ANO6: variants seen among roughly 807,000 people sequenced by gnomAD.
ANO6 encodes the protein anoctamin-6.
A neutral mutation model predicts 117.5 loss-of-function variants in ANO6; 106 were observed. The observed-to-expected ratio is 0.90, with a 90% CI of 0.77 to 1.06. The LOEUF is 1.06. Among genes scored for constraint, ANO6 ranks in the 50% least tolerant of loss-of-function variants. ANO6 has a pLI of 0.00. For synonymous variants in ANO6, 367 were observed against 385.1 expected, an observed-to-expected ratio of 0.95 and a Z score of 0.55; for missense variants, 955 against 1,121.1, an observed-to-expected ratio of 0.85 and a Z score of 2.12.
chr12:45,424,192 T>C (rs1330220475), intron 19 of ANO6, among the ~76,000 whole-genome samples: 1 of 152,044 alleles, frequency 6.6e-6, no homozygotes, highest in African/African-American at 2.4e-5. Flanking sequence ...TTGTGGTAGA[T>C]TATATGTTGT....
At chr12:45,403,017 A>G in intron 13 of ANO6, 55 bp from the exon 14 acceptor site, 2 of 1,500,332 alleles carry the variant, frequency 1.3e-6, no homozygotes, top group Non-Finnish European at 1.9e-6. Context: ...TTTTTATTAG[A>G]GTCTCAAAGC....
intron 11 of ANO6, among the ~76,000 whole-genome samples, chr12:45,389,069 G>A (rs183551496): frequency 4.2e-4 from 64 of 152,250 alleles, no homozygotes; most frequent in African/African-American, 1.4e-3. Context: ...TTCTGAATAC[G>A]AATAGCTCTT....
chr12:45,262,704 G>A (rs567606208), intron 1 of ANO6, among the ~76,000 whole-genome samples: 20 of 152,294 alleles, frequency 1.3e-4, no homozygotes, highest in African/African-American at 3.6e-4. Context: ...GATTACAGGC[G>A]TGAGCCACTG....
chr12:45,370,311 C>G (rs2137515420), intron 9 of ANO6, among the ~76,000 whole-genome samples: 1 of 152,354 alleles, frequency 6.6e-6, no homozygotes, highest in East Asian at 1.9e-4. Flanking sequence ...TCATCCAGGC[C>G]TAACTCCCTC....
At position 45,216,361 on chromosome 12, in the gene ANO6, G is replaced by A. The variant is rs757398603; in HGVS notation, c.40G>A (p.Glu14Lys). Residue 14 changes from glutamate to lysine, a missense_variant, in exon 1 of 20, where the codon GAG (glutamate) becomes AAG (lysine). Transcript: ENST00000320560. ...CAGGAATGTTTTGCTACAAATGGAG[G>A]AGGAGGAGGACGACGACGATGGGGA... Reference protein sequence around the residue: ...MSRNVLLQMEEEEDDDDGDIV... With the variant: ...MSRNVLLQMEKEEDDDDGDIV... 1.2e-5 allele frequency: 19 copies of A among 1,613,094 alleles called. No individual in the cohort carries two copies. Among genetic ancestry groups the A allele is most frequent in the Non-Finnish European group, 1.4e-5 (16 of 1,179,482 alleles).
At chr12:45,292,898 C>T (rs1248693414) in intron 1 of ANO6, 4 of 1,551,050 alleles carry the variant, frequency 2.6e-6, no homozygotes, top group African/African-American at 1.4e-5. Flanking sequence ...TTGTCCATTC[C>T]CCCTTTTGTT....
At chr12:45,394,279 A>C (rs780542565) in intron 12 of ANO6, among the ~76,000 whole-genome samples, 6 of 152,232 alleles carry the variant, frequency 3.9e-5, no homozygotes, top group Non-Finnish European at 7.3e-5. Flanking sequence ...AAAGGGATCA[A>C]TTCAACAAGA....
chr12:45,299,016 T>C (rs4768601), intron 1 of ANO6, among the ~76,000 whole-genome samples: 128,215 of 151,836 alleles, frequency 0.84, 55,243 homozygotes, highest in Non-Finnish European at 0.94. Flanking sequence ...CAGTATTATG[T>C]TTCCTTGTTT....
Position 45,416,866 on chromosome 12 carries a change from A to G in ANO6, c.2179A>G (p.Ile727Val), listed in dbSNP as rs867944033. 6.2e-7 allele frequency: 1 copy of G among 1,614,206 alleles called. No homozygotes were observed. Among genetic ancestry groups the G allele is most frequent in the Non-Finnish European group, 8.5e-7 (1 of 1,180,024 alleles). ...KAQDIGAWQPIMQGIAILAVV... is the reference protein window; with the variant it reads ...KAQDIGAWQPVMQGIAILAVV... ...CCAAGACATTGGAGCATGGCAGCCC[A>G]TCATGCAAGGAATAGCAATTCTGGC... The change falls in exon 17 of 20, where the codon ATC becomes GTC. Residue 727 changes from isoleucine to valine, a missense_variant. Physicochemically the swap from Ile to Val is conservative, Grantham distance 29. Transcript: ENST00000320560.
At chr12:45,275,453 A>G (rs1938525545) in intron 1 of ANO6, among the ~76,000 whole-genome samples, 2 of 151,910 alleles carry the variant, frequency 1.3e-5, no homozygotes, top group African/African-American at 4.8e-5. Flanking sequence ...CATGATCCAC[A>G]CGCCTCGACC....
intron 1 of ANO6, among the ~76,000 whole-genome samples, chr12:45,267,168 C>A (rs1036060198): frequency 6.6e-6 from 1 of 152,158 alleles, no homozygotes; most frequent in Middle Eastern, 3.2e-3. Flanking sequence ...CTTATTTTCT[C>A]ACAGTTCTGG....
chr12:45,373,960 C>T (rs546973959), intron 9 of ANO6, among the ~76,000 whole-genome samples: 1 of 152,212 alleles, frequency 6.6e-6, no homozygotes, highest in South Asian at 2.1e-4. Flanking sequence ...AGATAGACCA[C>T]TAGCAAGACT....
chr12:45,286,274 A>G (rs925923212), intron 1 of ANO6, among the ~76,000 whole-genome samples: 1 of 152,196 alleles, frequency 6.6e-6, no homozygotes, highest in Non-Finnish European at 1.5e-5. Flanking sequence ...AGCTGAGACT[A>G]TAGGTGACTG....
intron 1 of ANO6, among the ~76,000 whole-genome samples, chr12:45,264,240 C>T (rs1938141986): frequency 6.6e-6 from 1 of 152,194 alleles, no homozygotes; most frequent in African/African-American, 2.4e-5. Context: ...GTGCTCTGCT[C>T]TTTCCTTCTA....
At chr12:45,405,564 C>T (rs1042427959) in intron 15 of ANO6, among the ~76,000 whole-genome samples, 3 of 152,172 alleles carry the variant, frequency 2.0e-5, no homozygotes, top group African/African-American at 4.8e-5. Context: ...TGCTGCTTCT[C>T]TTTGTGTAGG....
chr12:45,331,320 C>T lies in ANO6; in HGVS notation c.176C>T (p.Ser59Phe). Residue 59 changes from serine (S) to phenylalanine (F), a missense_variant, in exon 3 of 20, where the codon TCC (serine) becomes TTC (phenylalanine). Physicochemically the swap from Ser to Phe is radical, Grantham distance 155 (BLOSUM62 -2). Coordinates refer to ENST00000320560, the MANE Select transcript of ANO6 (RefSeq NM_001025356.3). ...EFEEFNGKPD[S>F]LFFNDGQRRI... ...GAAGAATTTAATGGAAAACCTGACTCCCTCTTTTTTAATGATGGCCAGCGA... is the reference window on the plus strand; with the variant it reads ...GAAGAATTTAATGGAAAACCTGACTTCCTCTTTTTTAATGATGGCCAGCGA... 1.2e-6 allele frequency: 2 copies of T among 1,609,430 alleles called. No homozygotes were observed. Among genetic ancestry groups the T allele is most frequent in the African/African-American group, 1.3e-5 (1 of 74,824 alleles).
intron 9 of ANO6, among the ~76,000 whole-genome samples, chr12:45,377,299 A>G (rs1942054410): frequency 6.6e-6 from 1 of 152,218 alleles, no homozygotes. Flanking sequence ...ATTAGTAACG[A>G]ATTAAAATAT....
At chr12:45,424,475 C>T (rs1592052343) in intron 19 of ANO6, among the ~76,000 whole-genome samples, 1 of 151,608 alleles carries the variant, frequency 6.6e-6, no homozygotes, top group Non-Finnish European at 1.5e-5. Flanking sequence ...GTACCTGGGA[C>T]TACAGGTGCA....
chr12:45,292,891 T>G, intron 1 of ANO6: 1 of 1,551,054 alleles, frequency 6.4e-7, no homozygotes, highest in East Asian at 2.4e-5. Context: ...CACCGAATTG[T>G]CCATTCCCCC....
Sources: allele counts gnomAD v4.1 joint callset (sites outside exome capture counted in the v4.1 genomes callset), GRCh38; gene constraint gnomAD v4.1.1; transcripts MANE v1.5; gene names NCBI Gene and HGNC (gene_info 2026-07-23, HGNC 2026-07-21).